MLIP: variants seen among roughly 807,000 people sequenced by gnomAD.
MLIP encodes muscular LMNA interacting protein.
Under a neutral mutation model 84.8 loss-of-function variants are expected in MLIP, and 79 were observed. The ratio of observed to expected loss-of-function variants is 0.93; its 90% CI spans 0.78 to 1.12. The LOEUF is 1.12. Ranked by LOEUF, MLIP falls within the 50% of genes most tolerant of loss-of-function variation. The pLI is 0.00. For synonymous variants in MLIP, 504 were observed against 463.0 expected, an observed-to-expected ratio of 1.09 and a Z score of -1.14; for missense variants, 1,257 against 1,160.6, an observed-to-expected ratio of 1.08 and a Z score of -1.21.
chr6:54,045,694 C>A (rs1318397413), intron 1 of MLIP: 1 of 152,002 alleles, frequency 6.6e-6, no homozygotes, highest in Non-Finnish European at 1.5e-5. Flanking sequence ...ATCTAGTTGT[C>A]CAAAAATGTG....
intron 9 of MLIP, among the ~76,000 whole-genome samples, chr6:54,177,324 C>T (rs1776388178): frequency 6.6e-6 from 1 of 152,002 alleles, no homozygotes; most frequent in South Asian, 2.1e-4. Context: ...CCAGAATCTA[C>T]AAGGAACTTA....
At chr6:54,109,848 G>A (rs1769288746), upstream of MLIP, among the ~76,000 whole-genome samples, 1 of 151,774 alleles carries the variant, frequency 6.6e-6, no homozygotes, top group African/African-American at 2.4e-5. Flanking sequence ...CTCCCCAGGG[G>A]ATTTATGTGT....
rs888354455 is a variant in MLIP at position 54,024,620 on chromosome 6, C to G, written c.63+5529C>G. Among the ~76,000 whole-genome samples the G allele has an allele frequency of 2.6e-5, 4 of 152,268 alleles. 1 individual carries two copies. Among genetic ancestry groups the G allele is most frequent in the African/African-American group, 9.6e-5 (4 of 41,552 alleles). ...GAACATACATAATAAAGTCCTAGCC[C>G]TCAAGGCAATTATTACGCTTTGATT... On this transcript the variant is annotated intron_variant, in intron 1 of 12. Coordinates refer to the MLIP transcript ENST00000274897.
At chr6:54,182,438 C>A (rs1413828929) in intron 9 of MLIP, among the ~76,000 whole-genome samples, 1 of 152,186 alleles carries the variant, frequency 6.6e-6, no homozygotes, top group East Asian at 1.9e-4. Flanking sequence ...CAACCCCCTT[C>A]AATGCCTCTT....
chr6:54,054,626 T>A (rs1447574953), intron 1 of MLIP, among the ~76,000 whole-genome samples: 1 of 152,162 alleles, frequency 6.6e-6, no homozygotes, highest in African/African-American at 2.4e-5. Flanking sequence ...ACTTGCAAGA[T>A]CTCATTGTGA....
chr6:54,224,783 G>A (rs1780465175), intron 11 of MLIP, among the ~76,000 whole-genome samples: 1 of 151,266 alleles, frequency 6.6e-6, no homozygotes. Flanking sequence ...TCATTCTTAG[G>A]CCTTTGCATC....
At chr6:54,084,103 A>G (rs1193471656) in intron 1 of MLIP, among the ~76,000 whole-genome samples, 1 of 152,136 alleles carries the variant, frequency 6.6e-6, no homozygotes, top group African/African-American at 2.4e-5. Flanking sequence ...ATGCTTTGTG[A>G]CTATGAATTA....
chr6:54,247,704 A>G (rs1035305507), intron 12 of MLIP, among the ~76,000 whole-genome samples: 1 of 152,110 alleles, frequency 6.6e-6, no homozygotes, highest in African/African-American at 2.4e-5. Flanking sequence ...TATAGAAAGA[A>G]GCCCTTCTGT....
In MLIP at chr6:54,034,812, G is replaced by A. The variant is rs530725694; in HGVS notation, c.63+15721G>A. On this transcript the variant is annotated intron_variant, in intron 1 of 12. Coordinates refer to the MLIP transcript ENST00000274897. ...AAAGTCTACAGTAGTGTAGAGTAAT[G>A]TCCTAGGCCATCATCCTCATTCTTC... Among the ~76,000 whole-genome samples, 25 of 152,240 alleles carry A rather than the reference G, an allele frequency of 1.6e-4. No individual in the cohort carries two copies. In the South Asian group the frequency reaches 5.2e-3, roughly 32 times the overall value.
chr6:54,107,273 G>A (rs1425934784), upstream of MLIP, among the ~76,000 whole-genome samples: 1 of 152,158 alleles, frequency 6.6e-6, no homozygotes, highest in Non-Finnish European at 1.5e-5. Flanking sequence ...TATACCTATA[G>A]CAGTATATTA....
At chr6:54,245,687 T>C (rs1213355828) in intron 12 of MLIP, among the ~76,000 whole-genome samples, 1 of 152,182 alleles carries the variant, frequency 6.6e-6, no homozygotes, top group Admixed American at 6.5e-5. Flanking sequence ...AAAAAGTTTC[T>C]TTAGGTTGCA....
At chr6:54,042,489 TA>T (rs761210005) in intron 1 of MLIP, among the ~76,000 whole-genome samples, 1 of 152,200 alleles carries the variant, frequency 6.6e-6, no homozygotes, top group Non-Finnish European at 1.5e-5. Flanking sequence ...GTACCAAACA[TA>T]TTTTTTTAAA....
chr6:54,087,484 A>C (rs113557136), intron 1 of MLIP, among the ~76,000 whole-genome samples: 10 of 152,342 alleles, frequency 6.6e-5, no homozygotes, highest in South Asian at 6.2e-4. Context: ...ACATAAAAAA[A>C]CCCACAGAAA....
At chr6:54,094,976 A>T (rs918342312) in intron 1 of MLIP, among the ~76,000 whole-genome samples, 2 of 152,118 alleles carry the variant, frequency 1.3e-5, no homozygotes, top group African/African-American at 4.8e-5. Flanking sequence ...TTTCGAAAAC[A>T]CTCAAGTGAT....
At chr6:54,217,337 G>A in intron 11 of MLIP, 1 of 985,324 alleles carries the variant, frequency 1.0e-6, no homozygotes, top group Non-Finnish European at 1.2e-6. Flanking sequence ...AGCTCAAAAT[G>A]CCGTAAAATG....
intron 1 of MLIP, among the ~76,000 whole-genome samples, chr6:54,078,269 C>A (rs1040899139): frequency 6.6e-6 from 1 of 152,166 alleles, no homozygotes; most frequent in South Asian, 2.1e-4. Context: ...CTCTAGCACT[C>A]GTTAAGAGTT....
At chr6:54,085,971 C>G (rs1037322100) in intron 1 of MLIP, among the ~76,000 whole-genome samples, 1 of 152,188 alleles carries the variant, frequency 6.6e-6, no homozygotes. Context: ...AGGCTGCATT[C>G]CAGGCCCTTT....
chr6:54,215,492 A>G lies in MLIP; in HGVS notation c.2718+13259A>G, dbSNP rs1032620416. 6 of 791,724 alleles carry G rather than the reference A, an allele frequency of 7.6e-6. No individual in the cohort carries two copies. In the Admixed American group the frequency reaches 2.7e-4, roughly 36 times the overall value. The allele number at this position is 791,724 out of a possible 1,614,324, so 49.0% of individuals were successfully genotyped here. On this transcript the variant is annotated intron_variant, in intron 11 of 13. Coordinates refer to ENST00000502396, the MANE Select transcript of MLIP (RefSeq NM_001281747.2). Reference sequence around the variant, plus strand: ...CTTTATTGCAGTATAATTGACAAAAATTATACCTATTTAAGGTGTAAAATG... The same window carrying G: ...CTTTATTGCAGTATAATTGACAAAAGTTATACCTATTTAAGGTGTAAAATG...
chr6:54,159,343 G>A (rs1321888), intron 5 of MLIP, among the ~76,000 whole-genome samples: 17 of 152,122 alleles, frequency 1.1e-4, no homozygotes, highest in African/African-American at 2.2e-4. Flanking sequence ...GCTGAAAATC[G>A]AAATTTGAAT....
Sources: gnomAD v4.1 joint callset for allele counts (sites outside exome capture counted in the v4.1 genomes callset) on GRCh38, gnomAD v4.1.1 for gene constraint, MANE v1.5 for transcripts, NCBI Gene and HGNC (gene_info 2026-07-23, HGNC 2026-07-21) for gene names.